The following KAT6A variants were observed in gnomAD, a reference collection of about 807,000 sequenced individuals.
The protein encoded by KAT6A is lysine acetyltransferase 6A.
KAT6A carries 9 observed loss-of-function variants against 198.4 expected under a neutral mutation model. The ratio of observed to expected loss-of-function variants is 0.05; its 90% CI spans 0.03 to 0.08. The LOEUF is 0.08. KAT6A is among the 10% of genes least tolerant of loss of function. KAT6A has a pLI of 1.00. For synonymous variants in KAT6A, 890 were observed against 883.0 expected (o/e 1.01, Z -0.14); for missense variants, 2,077 against 2,509.9 (o/e 0.83, Z 3.69).
intron 2 of KAT6A, among the ~76,000 whole-genome samples, chr8:42,047,200 CTA>C (rs973234314): frequency 3.9e-5 from 6 of 152,176 alleles, no homozygotes; most frequent in African/African-American, 1.4e-4. Context: ...CTCCAAGGAA[CTA>C]TAATTCAGAG....
At chr8:41,959,885 G>A (rs570105803) in intron 8 of KAT6A, among the ~76,000 whole-genome samples, 1 of 152,184 alleles carries the variant, frequency 6.6e-6, no homozygotes, top group East Asian at 1.9e-4. Context: ...GAACCCGGGA[G>A]GCAGAGGTTG....
intron 3 of KAT6A, among the ~76,000 whole-genome samples, chr8:41,983,964 G>A (rs1466216060): frequency 6.6e-6 from 1 of 152,206 alleles, no homozygotes; most frequent in African/African-American, 2.4e-5. Context: ...TTCATGCTTA[G>A]AAATGTAAAC....
chr8:41,964,781 CAAT>C (rs1333079222), intron 8 of KAT6A, among the ~76,000 whole-genome samples: 2 of 152,060 alleles, frequency 1.3e-5, no homozygotes, highest in Non-Finnish European at 2.9e-5. Flanking sequence ...AGATTAACAA[CAAT>C]AACTAAAAAC....
At chr8:41,970,044 T>C (rs1823706245) in intron 8 of KAT6A, among the ~76,000 whole-genome samples, 1 of 152,212 alleles carries the variant, frequency 6.6e-6, no homozygotes, top group African/African-American at 2.4e-5. Context: ...CACTGCATTC[T>C]CATTTCCTTC....
chr8:42,051,538 A>C (rs1434335159), intron 1 of KAT6A, among the ~76,000 whole-genome samples: 10 of 143,960 alleles, frequency 6.9e-5, no homozygotes, highest in African/African-American at 2.5e-4. Context: ...CGCCAGCCCG[A>C]GGCTCCGCGG....
At chr8:41,980,186 C>T (rs1824278186) in intron 5 of KAT6A, among the ~76,000 whole-genome samples, 1 of 151,942 alleles carries the variant, frequency 6.6e-6, no homozygotes, top group African/African-American at 2.4e-5. Flanking sequence ...AGGGGTCTGG[C>T]TGAAGTTTTT....
At chr8:42,037,907 C>G (rs528802106) in intron 2 of KAT6A, among the ~76,000 whole-genome samples, 2 of 152,136 alleles carry the variant, frequency 1.3e-5, no homozygotes, top group African/African-American at 4.8e-5. Context: ...CCAATAAAGA[C>G]AAAAAATGAT....
At chr8:41,936,416 T>C (rs1001499035) in intron 16 of KAT6A, among the ~76,000 whole-genome samples, 1 of 152,242 alleles carries the variant, frequency 6.6e-6, no homozygotes, top group Non-Finnish European at 1.5e-5. Context: ...AAGGTTTATG[T>C]ACCAAGACTG....
At chr8:41,959,406 G>A (rs775003681) in intron 8 of KAT6A, among the ~76,000 whole-genome samples, 1 of 152,132 alleles carries the variant, frequency 6.6e-6, no homozygotes, top group Non-Finnish European at 1.5e-5. Flanking sequence ...CATTGCTGGC[G>A]GGAATACAAA....
intron 12 of KAT6A, among the ~76,000 whole-genome samples, chr8:41,945,383 G>A (rs1415591256): frequency 6.6e-6 from 1 of 150,522 alleles, no homozygotes; most frequent in Non-Finnish European, 1.5e-5. Context: ...CAATTCTTCT[G>A]CCTCAGCCTC....
At position 41,977,009 on chromosome 8, in the gene KAT6A, T is replaced by C. The variant is rs2150886305; in HGVS notation, c.1362A>G (p.Thr454=). The change falls in exon 7 of 17, where the codon ACA becomes ACG. Residue 454 remains threonine (T), a splice_region_variant and synonymous_variant. Transcript: ENST00000265713. ...TCTAAGTCTGTTCTAAACTCTTACCTGTGGGCCAATCTGAAGTGCTTGATT... is the reference window on the plus strand; with the variant it reads ...TCTAAGTCTGTTCTAAACTCTTACCCGTGGGCCAATCTGAAGTGCTTGATT... ...NRKSSTSDWP[T]DNQDGWDGKQ... The C allele has an allele frequency of 6.3e-7, 1 of 1,598,242 alleles. No homozygotes were observed. Among genetic ancestry groups the C allele is most frequent in the Non-Finnish European group, 8.5e-7 (1 of 1,171,060 alleles).
chr8:41,960,972 T>G (rs1378854007), intron 8 of KAT6A, among the ~76,000 whole-genome samples: 3 of 152,196 alleles, frequency 2.0e-5, no homozygotes, highest in Admixed American at 6.5e-5. Context: ...TACCTTAATG[T>G]GAATATGGGT....
At chr8:41,938,223 T>C (rs990444736) in intron 15 of KAT6A, among the ~76,000 whole-genome samples, 1 of 152,210 alleles carries the variant, frequency 6.6e-6, no homozygotes, top group Admixed American at 6.5e-5. Context: ...AATCCCTTCA[T>C]TCTATAGATG....
intron 12 of KAT6A, among the ~76,000 whole-genome samples, chr8:41,945,439 T>A (rs1822329758): frequency 1.3e-5 from 2 of 151,598 alleles, no homozygotes; most frequent in African/African-American, 2.4e-5. Context: ...CCCAGCTAAT[T>A]TTTTGTATTT....
intron 8 of KAT6A, among the ~76,000 whole-genome samples, chr8:41,961,718 A>G (rs950752623): frequency 7.1e-6 from 1 of 141,612 alleles, no homozygotes; most frequent in Non-Finnish European, 1.5e-5. Flanking sequence ...GTGCCACTGC[A>G]CTCCAGCCTG....
intron 5 of KAT6A, among the ~76,000 whole-genome samples, chr8:41,979,853 T>C (rs1342089161): frequency 6.6e-6 from 1 of 151,990 alleles, no homozygotes; most frequent in African/African-American, 2.4e-5. Flanking sequence ...ATACAAAAAT[T>C]AGCCAGGTGT....
chr8:41,933,233 G>A lies in KAT6A; in HGVS notation c.4987C>T (p.Pro1663Ser). Reference sequence around the variant, plus strand: ...TGTGGTGCTGGTTGTGGTTGTGGCGGCGGCGGCTGTGGCTGCTGTGGAGGC... The same window carrying A: ...TGTGGTGCTGGTTGTGGTTGTGGCGACGGCGGCTGTGGCTGCTGTGGAGGC... ...PPPPQQPQPP[P>S]PQPQPAPQPP... Residue 1663 changes from proline to serine, a missense_variant, in exon 17 of 17, where the codon CCG (proline) becomes TCG (serine). Coordinates refer to ENST00000265713, the MANE Select transcript of KAT6A (RefSeq NM_006766.5). This position sits in a 1 kb window ranked among gnomAD's most constrained non-coding sequence, Gnocchi z 6.2. 1 of 1,553,764 alleles carries A rather than the reference G, an allele frequency of 6.4e-7. No homozygotes were observed. The highest frequency in any genetic ancestry group is 8.7e-7 in the Non-Finnish European group (1 of 1,154,080).
intron 3 of KAT6A, among the ~76,000 whole-genome samples, chr8:41,986,304 CA>C (rs1240634979): frequency 6.6e-6 from 1 of 152,170 alleles, no homozygotes; most frequent in African/African-American, 2.4e-5. Context: ...GGAGATTCTG[CA>C]AAATCTTTCT....
intron 2 of KAT6A, among the ~76,000 whole-genome samples, chr8:42,030,907 T>A (rs1391872782): frequency 6.6e-6 from 1 of 151,938 alleles, no homozygotes; most frequent in Non-Finnish European, 1.5e-5. Context: ...GGACAACTTT[T>A]GTATATGTGG....
Sources: allele counts gnomAD v4.1 joint callset (sites outside exome capture counted in the v4.1 genomes callset), GRCh38; gene constraint gnomAD v4.1.1; non-coding constraint Gnocchi (gnomAD v3.1); transcripts MANE v1.5; gene names NCBI Gene and HGNC (gene_info 2026-07-23, HGNC 2026-07-21).